SLC35G2: variants seen among roughly 807,000 people sequenced by gnomAD.
SLC35G2 encodes transmembrane protein 22.
In SLC35G2, 20 loss-of-function variants were observed where a neutral mutation model predicts 27.2. That is an observed-to-expected ratio of 0.74 (90% CI 0.52 to 1.07). The LOEUF (loss-of-function observed/expected upper bound fraction) is 1.07, where lower values mean the gene tolerates loss of function less well. Among genes scored for constraint, SLC35G2 ranks in the 50% least tolerant of loss-of-function variants. The probability of loss-of-function intolerance (pLI) is 0.00; values close to 1 mark genes in which losing one functional copy is unlikely to be tolerated. For missense variants in SLC35G2, 416 were observed against 493.3 expected, an observed-to-expected ratio of 0.84 and a Z score of 1.48; for synonymous variants, 148 against 165.3, an observed-to-expected ratio of 0.90 and a Z score of 0.80.
chr3:136,832,204 TG>T (rs1936747531), intron 1 of SLC35G2, among the ~76,000 whole-genome samples: 1 of 152,058 alleles, frequency 6.6e-6, no homozygotes, highest in Non-Finnish European at 1.5e-5. Context: ...TTAGTAGAGA[TG>T]GGGTTTCACA....
At chr3:136,835,376 G>A (rs910854303) in intron 1 of SLC35G2, among the ~76,000 whole-genome samples, 6 of 79,480 alleles carry the variant, frequency 7.5e-5, no homozygotes, top group African/African-American at 2.3e-4. Context: ...TTAGATTCAG[G>A]TGATACATTT....
intron 1 of SLC35G2, among the ~76,000 whole-genome samples, chr3:136,850,941 C>T (rs1003006844): frequency 6.6e-6 from 1 of 152,052 alleles, no homozygotes; most frequent in South Asian, 2.1e-4. Context: ...GCAGTGATCA[C>T]GCCACTGCAC....
intron 1 of SLC35G2, among the ~76,000 whole-genome samples, chr3:136,845,368 G>A (rs1937326366): frequency 6.6e-6 from 1 of 152,182 alleles, no homozygotes; most frequent in Non-Finnish European, 1.5e-5. Context: ...GGAATTTCCT[G>A]ATGTGGAATC....
intron 1 of SLC35G2, among the ~76,000 whole-genome samples, chr3:136,821,108 GT>G (rs1204596524): frequency 6.6e-6 from 1 of 152,060 alleles, no homozygotes; most frequent in Non-Finnish European, 1.5e-5. Context: ...CATTGGTATT[GT>G]TTTTTCCTTA....
chr3:136,832,162 C>T (rs1488784569), intron 1 of SLC35G2, among the ~76,000 whole-genome samples: 8 of 152,004 alleles, frequency 5.3e-5, no homozygotes, highest in African/African-American at 1.2e-4. Context: ...TACAAGTGCC[C>T]GCCACCAGGC....
intron 1 of SLC35G2, among the ~76,000 whole-genome samples, chr3:136,839,574 G>T (rs1937003640): frequency 1.3e-5 from 2 of 152,096 alleles, no homozygotes; most frequent in African/African-American, 4.8e-5. Context: ...CAACTAACTG[G>T]TCCAGGTGCT....
At chr3:136,853,780 T>C (rs1202802159) in intron 1 of SLC35G2, among the ~76,000 whole-genome samples, 1 of 152,172 alleles carries the variant, frequency 6.6e-6, no homozygotes, top group Non-Finnish European at 1.5e-5. Context: ...ATCTTAAAAG[T>C]GGTATTGCTG....
At chr3:136,845,825 A>AC (rs1937348674) in intron 1 of SLC35G2, among the ~76,000 whole-genome samples, 1 of 150,406 alleles carries the variant, frequency 6.6e-6, no homozygotes, top group Non-Finnish European at 1.5e-5. Flanking sequence ...TGATCTCTTG[A>AC]CCTTGTGATC....
At chr3:136,823,471 A>C (rs1051673338) in intron 1 of SLC35G2, among the ~76,000 whole-genome samples, 5 of 152,172 alleles carry the variant, frequency 3.3e-5, no homozygotes, top group Admixed American at 1.3e-4. Flanking sequence ...GGCATTACTC[A>C]AGAAATTTTA....
At chr3:136,840,449 C>T (rs900016335) in intron 1 of SLC35G2, among the ~76,000 whole-genome samples, 26 of 152,038 alleles carry the variant, frequency 1.7e-4, no homozygotes, top group African/African-American at 5.8e-4. Flanking sequence ...CTGATTCATC[C>T]ATATTCTTCC....
At chr3:136,833,569 T>C (rs1936789865) in intron 1 of SLC35G2, among the ~76,000 whole-genome samples, 1 of 152,094 alleles carries the variant, frequency 6.6e-6, no homozygotes, top group Admixed American at 6.6e-5. Context: ...AATGAAGCGG[T>C]TCCACTTCAG....
At chr3:136,851,583 A>G (rs1269365487) in intron 1 of SLC35G2, among the ~76,000 whole-genome samples, 3 of 146,432 alleles carry the variant, frequency 2.0e-5, no homozygotes, top group African/African-American at 7.4e-5. Flanking sequence ...AGCTTAGGGT[A>G]TATATGGAGA....
intron 1 of SLC35G2, among the ~76,000 whole-genome samples, chr3:136,826,258 T>G (rs1936584163): frequency 6.6e-6 from 1 of 151,714 alleles, no homozygotes; most frequent in Non-Finnish European, 1.5e-5. Flanking sequence ...AGGATGGTCT[T>G]GATCTCCTGA....
intron 1 of SLC35G2, among the ~76,000 whole-genome samples, chr3:136,839,806 T>C (rs1937013066): frequency 6.6e-6 from 1 of 152,082 alleles, no homozygotes; most frequent in Admixed American, 6.6e-5. Context: ...GTCAGTGGAG[T>C]GTCCAGCTCA....
At position 136,852,203 on chromosome 3, in the gene SLC35G2, T is replaced by G. The variant is rs914874719; in HGVS notation, c.-18-2240T>G. Among the ~76,000 whole-genome samples, 4 of 118,006 alleles carry G rather than the reference T, an allele frequency of 3.4e-5. No homozygotes were observed. In the Admixed American group the frequency reaches 4.0e-4, roughly 12 times the overall value. 77.4% of individuals were successfully genotyped at this position (118,006 alleles called of 152,430 possible). ...AAGTTGGAAATAAAGAACAGTCAGA[T>G]TAGCCTGATAGTGGTGTGCAGGAAG... On this transcript the variant is annotated intron_variant, in intron 1 of 1. Coordinates refer to ENST00000446465, the MANE Select transcript of SLC35G2 (RefSeq NM_025246.3).
intron 1 of SLC35G2, among the ~76,000 whole-genome samples, chr3:136,822,127 T>G (rs1936472666): frequency 6.6e-6 from 1 of 152,198 alleles, no homozygotes; most frequent in Non-Finnish European, 1.5e-5. Context: ...AGCTGTACTC[T>G]TCTAATGATT....
intron 1 of SLC35G2, among the ~76,000 whole-genome samples, chr3:136,825,200 C>T (rs1375934529): frequency 2.6e-5 from 4 of 151,874 alleles, no homozygotes; most frequent in Admixed American, 6.6e-5. Context: ...TCAGTTTTTC[C>T]CCATTCAATA....
At position 136,854,443 on chromosome 3, in the gene SLC35G2, A is replaced by G; in HGVS notation, c.-18A>G. 1.9e-6 allele frequency: 3 copies of G among 1,542,646 alleles called. No homozygotes were observed. Among genetic ancestry groups the G allele is most frequent in the Non-Finnish European group, 2.6e-6 (3 of 1,142,546 alleles). On this transcript the variant is annotated splice_region_variant and 5_prime_UTR_variant, in exon 2 of 2. Transcript: ENST00000446465. ...TTTGTCAATTTTTTTCTTTAAATAG[A>G]ATTGATTATCTGAAGAAATGGATAC...
At chr3:136,823,539 C>T (rs564371299) in intron 1 of SLC35G2, among the ~76,000 whole-genome samples, 213 of 152,162 alleles carry the variant, frequency 1.4e-3, no homozygotes, top group African/African-American at 4.7e-3. Flanking sequence ...TTTTATAGTT[C>T]GAAGACTTAT....
Sources: gnomAD v4.1 joint callset for allele counts (sites outside exome capture counted in the v4.1 genomes callset) on GRCh38, gnomAD v4.1.1 for gene constraint, MANE v1.5 for transcripts, NCBI Gene and HGNC (gene_info 2026-07-23, HGNC 2026-07-21) for gene names.